MTPAP: variants seen among roughly 807,000 people sequenced by gnomAD.
The protein encoded by MTPAP is poly(A) RNA polymerase, mitochondrial.
MTPAP carries 23 observed loss-of-function variants against 48.7 expected under a neutral mutation model. The observed-to-expected ratio is 0.47, with a 90% CI of 0.34 to 0.67. MTPAP has a LOEUF of 0.67. Among genes scored for constraint, MTPAP ranks in the 30% least tolerant of loss-of-function variants. MTPAP has a pLI of 0.01. For missense variants in MTPAP, 614 were observed against 694.3 expected, an observed-to-expected ratio of 0.88 and a Z score of 1.30; for synonymous variants, 257 against 254.1, an observed-to-expected ratio of 1.01 and a Z score of -0.11.
chr10:30,337,400 G>C (rs1834742413), intron 3 of MTPAP, among the ~76,000 whole-genome samples: 1 of 151,812 alleles, frequency 6.6e-6, no homozygotes. Flanking sequence ...CTCCAGCCTG[G>C]GCAACAAGAA....
intron 4 of MTPAP, among the ~76,000 whole-genome samples, chr10:30,328,485 T>C (rs557462158): frequency 9.2e-5 from 14 of 152,236 alleles, no homozygotes; most frequent in Non-Finnish European, 2.1e-4. Context: ...TATAAAGATG[T>C]TCACTCACTG....
In MTPAP at chr10:30,340,306, C is replaced by T. The variant is rs1396223594; in HGVS notation, c.475G>A (p.Glu159Lys). Residue 159 changes from glutamate to lysine, a missense_variant, in exon 3 of 9, where the codon GAA becomes AAA. Coordinates refer to ENST00000263063, the MANE Select transcript of MTPAP (RefSeq NM_018109.4). ...TTACTTGACCGTACGCGTGACCGTT[C>T]AGAAGTCTGGTTTTTCAACTTCAGA... ...FNLKLKNQTS[E>K]RSRVRSSNQL... 1.9e-5 allele frequency: 30 copies of T among 1,613,996 alleles called. No individual in the cohort carries two copies. Among genetic ancestry groups the T allele is most frequent in the Non-Finnish European group, 2.5e-5 (30 of 1,180,034 alleles).
In MTPAP at chr10:30,313,467, GT is replaced by G. The variant is rs1840622468; in HGVS notation, c.*141del. On this transcript the variant is annotated 3_prime_UTR_variant, in exon 9 of 9. Transcript: ENST00000263063. The stretch of plus-strand genomic sequence containing the variant: ...AAAACATCCCAGAACTTCAGACCAG[GT>G]TAAGGGGGCCAATGAGAAGATCATG... 3.4e-6 allele frequency: 4 copies of G among 1,191,736 alleles called. No homozygotes were observed. The highest frequency in any genetic ancestry group is 4.9e-6 in the Non-Finnish European group (4 of 816,972). The allele number at this position is 1,191,736 out of a possible 1,614,324, so 73.8% of individuals were successfully genotyped here. A position where few individuals can be genotyped will look rare whatever the true frequency, so the allele number is the denominator to read the frequency against.
chr10:30,339,645 T>C (rs1834775978), intron 3 of MTPAP, among the ~76,000 whole-genome samples: 1 of 152,150 alleles, frequency 6.6e-6, no homozygotes, highest in South Asian at 2.1e-4. Flanking sequence ...TAAGTACAAA[T>C]GGGGCATGGC....
intron 1 of MTPAP, 160 bp downstream of exon 1, chr10:30,348,959 G>C: frequency 9.4e-7 from 1 of 1,068,810 alleles, no homozygotes; most frequent in Non-Finnish European, 1.3e-6. Context: ...CGGCGACCCT[G>C]GGTTCCCCTA....
intron 3 of MTPAP, among the ~76,000 whole-genome samples, chr10:30,338,276 T>C (rs1427950492): frequency 2.0e-5 from 3 of 147,240 alleles, no homozygotes; most frequent in African/African-American, 7.4e-5. Flanking sequence ...TAACGTAACA[T>C]AACATAACAT....
chr10:30,314,039 C>G (rs1840633294), intron 8 of MTPAP, 68 bp from the exon 9 acceptor site: 2 of 1,521,810 alleles, frequency 1.3e-6, no homozygotes, highest in African/African-American at 2.7e-5. Context: ...AAACAGTTAA[C>G]TCAATAAAAT....
intron 1 of MTPAP, among the ~76,000 whole-genome samples, chr10:30,346,226 A>C (rs985486825): frequency 6.6e-6 from 1 of 152,188 alleles, no homozygotes; most frequent in African/African-American, 2.4e-5. Context: ...GAATTCATAT[A>C]AAGAACTTCA....
rs567198605 is a variant in MTPAP, at chr10:30,336,750, T to C, written c.780+53A>G. ...TTTATTAAGTTCAAAGATTTTTCTTTTTATACTTTCTTAACTTTACATGAT... is the reference window on the plus strand; with the variant it reads ...TTTATTAAGTTCAAAGATTTTTCTTCTTATACTTTCTTAACTTTACATGAT... On this transcript the variant is annotated intron_variant, in intron 4 of 8. Transcript: ENST00000263063. 4.3e-6 allele frequency: 6 copies of C among 1,404,642 alleles called. No individual in the cohort carries two copies. In the East Asian group the frequency reaches 1.1e-4, roughly 27 times the overall value. 87.0% of individuals were successfully genotyped at this position (1,404,642 alleles called of 1,614,324 possible). A position where few individuals can be genotyped will look rare whatever the true frequency, so the allele number is the denominator to read the frequency against.
rs535722102 is a variant in MTPAP at position 30,341,029 on chromosome 10, T to A, written c.330+439A>T. On this transcript the variant is annotated intron_variant, in intron 2 of 8. Transcript: ENST00000263063. ...AGGCAAAACAAAGATCCCCTCCCAC[T>A]GGCCTTCATCCGCAAGTTAAAGAGA... 2.0e-5 allele frequency among the ~76,000 whole-genome samples: 3 copies of A among 152,262 alleles called. No homozygotes were observed. The East Asian group carries it at 5.8e-4, about 29-fold the overall frequency.
rs538146551 is a variant in MTPAP at position 30,331,143 on chromosome 10, G to A, written c.781-4508C>T. On this transcript the variant is annotated intron_variant, in intron 4 of 8. Transcript: ENST00000263063. The stretch of plus-strand genomic sequence containing the variant: ...AAAATTATACTTATTATGAGCAAAG[G>A]AAAGATATTCTCAAAAATGACTGTC... Among the ~76,000 whole-genome samples, 728 of 152,212 alleles carry A rather than the reference G, an allele frequency of 4.8e-3. 7 individuals carry two copies. Among genetic ancestry groups the A allele is most frequent in the African/African-American group, 0.017 (697 of 41,538 alleles).
At chr10:30,315,392 T>A (rs3802630) in intron 8 of MTPAP, among the ~76,000 whole-genome samples, 17,260 of 151,788 alleles carry the variant, frequency 0.11, 1,812 homozygotes, top group East Asian at 0.52. Flanking sequence ...CCAAGTTATC[T>A]CCCACTTGCA....
chr10:30,349,012 T>C (rs1834902831), intron 1 of MTPAP, 107 bp downstream of exon 1: 1 of 1,538,468 alleles, frequency 6.5e-7, no homozygotes, highest in Admixed American at 1.7e-5. Context: ...AGCCCCACCC[T>C]CTTGCCAAAG....
chr10:30,347,467 A>T (rs1834886307), intron 1 of MTPAP, among the ~76,000 whole-genome samples: 2 of 152,224 alleles, frequency 1.3e-5, no homozygotes, highest in South Asian at 4.1e-4. Context: ...CCAAATGAGG[A>T]TTTTGTTATT....
At chr10:30,343,836 GA>G (rs941052005) in intron 1 of MTPAP, among the ~76,000 whole-genome samples, 2 of 152,016 alleles carry the variant, frequency 1.3e-5, no homozygotes, top group African/African-American at 4.8e-5. Context: ...CCAAAGTGCT[GA>G]AATTACAGGC....
intron 1 of MTPAP, among the ~76,000 whole-genome samples, chr10:30,343,962 T>C (rs926592570): frequency 1.3e-5 from 2 of 152,354 alleles, no homozygotes; most frequent in South Asian, 4.1e-4. Context: ...ATCACAATAA[T>C]CTGACTCCTA....
intron 1 of MTPAP, 189 bp downstream of exon 1, chr10:30,348,930 A>T: frequency 1.4e-6 from 1 of 721,744 alleles, no homozygotes; most frequent in South Asian, 1.8e-5. Context: ...CACACATCTC[A>T]CTTCTGCCTC....
Position 30,318,801 on chromosome 10 carries a change from C to T in MTPAP, c.1220-2591G>A, listed in dbSNP as rs1196015050. ...TCCTACTATGAACCCAATACTATTC[C>T]GAGAACAGAAGACGCAGAGGTGAAG... On this transcript the variant is annotated intron_variant, in intron 6 of 8. Coordinates refer to ENST00000263063, the MANE Select transcript of MTPAP (RefSeq NM_018109.4). Among the ~76,000 whole-genome samples, 4 of 152,168 alleles carry T rather than the reference C, an allele frequency of 2.6e-5. No individual in the cohort carries two copies. In the East Asian group the frequency reaches 5.8e-4, roughly 22 times the overall value.
chr10:30,330,606 A>C (rs765331306), intron 4 of MTPAP, among the ~76,000 whole-genome samples: 4 of 152,242 alleles, frequency 2.6e-5, no homozygotes, highest in Non-Finnish European at 5.9e-5. Context: ...TGGGCGCAGG[A>C]AAGTGGTGAA....
Sources: allele counts gnomAD v4.1 joint callset (sites outside exome capture counted in the v4.1 genomes callset), GRCh38; gene constraint gnomAD v4.1.1; transcripts MANE v1.5; gene names NCBI Gene and HGNC (gene_info 2026-07-23, HGNC 2026-07-21).